The following PCCB variants were observed in gnomAD, a reference collection of about 807,000 sequenced individuals.
PCCB encodes the protein propionyl-CoA carboxylase beta chain, mitochondrial.
PCCB carries 43 observed loss-of-function variants against 60.7 expected under a neutral mutation model. The observed-to-expected ratio is 0.71, with a 90% CI of 0.55 to 0.91. PCCB has a LOEUF of 0.91. PCCB is among the 40% of genes least tolerant of loss of function. PCCB has a pLI of 0.00. For missense variants in PCCB, 766 were observed against 702.8 expected (o/e 1.09, Z -1.02); for synonymous variants, 276 against 255.9 (o/e 1.08, Z -0.75).
intron 9 of PCCB, among the ~76,000 whole-genome samples, chr3:136,301,400 G>A (rs140232023): frequency 6.3e-4 from 96 of 152,096 alleles, no homozygotes; most frequent in African/African-American, 2.3e-3. Context: ...ATAAATTAGG[G>A]GCCATGTCCA....
At chr3:136,315,400 G>A (rs899166236) in intron 9 of PCCB, among the ~76,000 whole-genome samples, 1 of 152,162 alleles carries the variant, frequency 6.6e-6, no homozygotes, top group African/African-American at 2.4e-5. Context: ...GCATGGTGGT[G>A]CGTGCCTGTA....
intron 5 of PCCB, among the ~76,000 whole-genome samples, chr3:136,270,348 G>C (rs1942161213): frequency 6.6e-6 from 1 of 151,970 alleles, no homozygotes; most frequent in Admixed American, 6.6e-5. Flanking sequence ...TTTTGGTTTT[G>C]GTATTACAGT....
intron 1 of PCCB, 69 bp downstream of exon 1, chr3:136,250,627 G>C (rs1559992383): frequency 3.4e-6 from 5 of 1,486,990 alleles, no homozygotes; most frequent in Admixed American, 4.3e-5. Flanking sequence ...TGCCCGGCTT[G>C]CGGCGTCCGA....
intron 8 of PCCB, among the ~76,000 whole-genome samples, chr3:136,299,718 A>G (rs575286767): frequency 2.2e-4 from 32 of 144,542 alleles, no homozygotes; most frequent in East Asian, 2.1e-3. Flanking sequence ...ATGCATGTGT[A>G]TGTATGTATA....
At chr3:136,269,477 T>G (rs999553093) in intron 5 of PCCB, among the ~76,000 whole-genome samples, 1 of 152,224 alleles carries the variant, frequency 6.6e-6, no homozygotes, top group Non-Finnish European at 1.5e-5. Flanking sequence ...TCATGTCTTC[T>G]GCAAATAGAG....
At chr3:136,300,975 A>C (rs1022955081) in intron 8 of PCCB, 55 bp from the exon 9 acceptor site, 9 of 1,358,664 alleles carry the variant, frequency 6.6e-6, no homozygotes, top group Non-Finnish European at 8.4e-6. Flanking sequence ...CCATTCCCAC[A>C]AAAGGTAACT....
chr3:136,317,915 G>A (rs1934968031), intron 10 of PCCB, among the ~76,000 whole-genome samples: 1 of 152,226 alleles, frequency 6.6e-6, no homozygotes. Flanking sequence ...GGTGGGGACT[G>A]TGAATACCAC....
chr3:136,278,724 C>T (rs1284771995), intron 5 of PCCB, among the ~76,000 whole-genome samples: 1 of 152,078 alleles, frequency 6.6e-6, no homozygotes, highest in Non-Finnish European at 1.5e-5. Context: ...ATGGTCTCTC[C>T]TGGAGAATGT....
At chr3:136,251,740 C>G (rs896260047) in intron 1 of PCCB, among the ~76,000 whole-genome samples, 1 of 152,162 alleles carries the variant, frequency 6.6e-6, no homozygotes, top group African/African-American at 2.4e-5. Flanking sequence ...GCCTATTGCT[C>G]AATTCTTCCC....
At chr3:136,274,719 C>A (rs1942296278) in intron 5 of PCCB, among the ~76,000 whole-genome samples, 1 of 152,114 alleles carries the variant, frequency 6.6e-6, no homozygotes, top group South Asian at 2.1e-4. Context: ...AATAAGTTTT[C>A]TAAACTTTTA....
intron 5 of PCCB, among the ~76,000 whole-genome samples, chr3:136,267,174 C>T (rs1254395351): frequency 6.6e-6 from 1 of 152,146 alleles, no homozygotes; most frequent in Non-Finnish European, 1.5e-5. Flanking sequence ...CGTGAGCCAG[C>T]ACACTCAGCC....
intron 6 of PCCB, among the ~76,000 whole-genome samples, chr3:136,288,977 A>T: frequency 6.6e-6 from 1 of 151,386 alleles, no homozygotes; most frequent in Non-Finnish European, 1.5e-5. Context: ...CAATTTTTTT[A>T]TTTTTGTAGA....
At chr3:136,266,750 C>T (rs777879066) in intron 5 of PCCB, among the ~76,000 whole-genome samples, 1 of 152,088 alleles carries the variant, frequency 6.6e-6, no homozygotes, top group South Asian at 2.1e-4. Context: ...TTGTCCATCT[C>T]GTAATTGGGT....
chr3:136,301,771 G>A (rs969101884), intron 9 of PCCB, among the ~76,000 whole-genome samples: 2 of 152,102 alleles, frequency 1.3e-5, no homozygotes, highest in Non-Finnish European at 2.9e-5. Flanking sequence ...TTCTGTTATT[G>A]TTTTTGTCTT....
chr3:136,301,148 C>T (rs1439187648), intron 9 of PCCB, 37 bp downstream of exon 9: 3 of 1,514,490 alleles, frequency 2.0e-6, no homozygotes. Context: ...CTGTCCTAGT[C>T]AGCCACATTC....
intron 5 of PCCB, among the ~76,000 whole-genome samples, chr3:136,280,599 G>A (rs1942450426): frequency 6.6e-6 from 1 of 152,174 alleles, no homozygotes; most frequent in South Asian, 2.1e-4. Context: ...ACCTGCCTTG[G>A]TCTCCCAAAG....
At chr3:136,311,305 T>C (rs779095578) in intron 9 of PCCB, among the ~76,000 whole-genome samples, 3 of 152,142 alleles carry the variant, frequency 2.0e-5, no homozygotes, top group African/African-American at 4.8e-5. Flanking sequence ...AACAGGAAGA[T>C]AAAATATTTA....
chr3:136,279,532 A>G (rs1412349719), intron 5 of PCCB, among the ~76,000 whole-genome samples: 4 of 152,152 alleles, frequency 2.6e-5, no homozygotes, highest in African/African-American at 9.7e-5. Context: ...CTTTAGTAGT[A>G]CATAGACATA....
chr3:136,271,404 G>C (rs1455540079), intron 5 of PCCB, among the ~76,000 whole-genome samples: 2 of 152,116 alleles, frequency 1.3e-5, no homozygotes, highest in African/African-American at 4.8e-5. Context: ...GGTAATGGTA[G>C]TGTTTTGATG....
Sources: allele counts gnomAD v4.1 joint callset (sites outside exome capture counted in the v4.1 genomes callset), GRCh38; gene constraint gnomAD v4.1.1; transcripts MANE v1.5; gene names NCBI Gene and HGNC (gene_info 2026-07-23, HGNC 2026-07-21).